Variants in PPFIA3 observed in about 807,000 individuals in gnomAD.
The protein encoded by PPFIA3 is PPFI scaffold protein A3.
In PPFIA3, 26 loss-of-function variants were observed where a neutral mutation model predicts 145.8. That is an observed-to-expected ratio of 0.18 (90% confidence interval 0.13 to 0.25). The LOEUF (loss-of-function observed/expected upper bound fraction) is 0.25, where lower values mean the gene tolerates loss of function less well. PPFIA3 is among the 10% of genes least tolerant of loss of function. The pLI, the probability that PPFIA3 is intolerant of heterozygous loss-of-function variation, is 1.00. For synonymous variants in PPFIA3, 645 were observed against 661.4 expected (o/e 0.98, Z 0.38); for missense variants, 1,008 against 1,587.8 (o/e 0.63, Z 6.21).
intron 7 of PPFIA3, among the ~76,000 whole-genome samples, chr19:49,131,926 C>T (rs2041077620): frequency 6.7e-6 from 1 of 149,190 alleles, no homozygotes; most frequent in Admixed American, 6.8e-5. Flanking sequence ...AGGAGAATGG[C>T]GTGAACCCGG....
rs1355276179 is a variant in PPFIA3, at chr19:49,148,889, TG to T, written c.3110-98del. 9 of 1,555,792 alleles carry T rather than the reference TG, an allele frequency of 5.8e-6. No individual in the cohort carries two copies. The African/African-American group carries it at 6.8e-5, about 12-fold the overall frequency. ...CATAACCGTGGGGGTGGAGCCAGCG[TG>T]GGGGGCGTGGCCCGAAGAGACCAAA... On this transcript the variant is annotated intron_variant, in intron 25 of 29. Coordinates refer to ENST00000334186, the MANE Select transcript of PPFIA3 (RefSeq NM_003660.4).
Position 49,150,534 on chromosome 19 carries a change from T to G in PPFIA3, c.*312T>G. ...TTTCTGTTGGGAGACGGGTGTCCTT[T>G]ACCCGCGGGAAGGGGGCGGGGCTTC... On this transcript the variant is annotated 3_prime_UTR_variant, in exon 30 of 30. Transcript: ENST00000334186. 6.2e-6 allele frequency: 1 copy of G among 160,232 alleles called. No individual in the cohort carries two copies. 9.9% of individuals were successfully genotyped at this position (160,232 alleles called of 1,614,324 possible). A position where few individuals can be genotyped will look rare whatever the true frequency, so the allele number is the denominator to read the frequency against.
rs1340428987 is a variant in PPFIA3, at chr19:49,119,544, A to C, written c.-194A>C. ...GAGCGTGAGGGGGAGGGGGGTCCCC[A>C]GCGCCCAAGCCGGAGCCAGAGACGC... On this transcript the variant is annotated 5_prime_UTR_variant, in exon 1 of 30. Coordinates refer to ENST00000334186, the MANE Select transcript of PPFIA3 (RefSeq NM_003660.4). 6.5e-6 allele frequency: 1 copy of C among 153,094 alleles called. No homozygotes were observed. Among genetic ancestry groups the C allele is most frequent in the Non-Finnish European group, 1.5e-5 (1 of 68,822 alleles). 9.5% of individuals were successfully genotyped at this position (153,094 alleles called of 1,614,324 possible).
At chr19:49,121,786 TTTTA>T (rs577943380) in intron 1 of PPFIA3, among the ~76,000 whole-genome samples, 4 of 151,694 alleles carry the variant, frequency 2.6e-5, no homozygotes, top group Admixed American at 6.6e-5. Flanking sequence ...CAAAAAAAAA[TTTTA>T]TTTATTTATT....
chr19:49,131,887 G>A (rs970914865), intron 7 of PPFIA3, among the ~76,000 whole-genome samples: 3 of 151,846 alleles, frequency 2.0e-5, no homozygotes, highest in Non-Finnish European at 2.9e-5. Flanking sequence ...TCGGGCGCCC[G>A]TAGTCCCAGC....
Position 49,136,601 on chromosome 19 carries a change from A to T in PPFIA3, c.1666-123A>T, listed in dbSNP as rs577863631. 1.1e-5 allele frequency: 7 copies of T among 614,438 alleles called. No individual in the cohort carries two copies. The East Asian group carries it at 1.3e-4, about 12-fold the overall frequency. The allele number at this position is 614,438 out of a possible 1,614,324, so 38.1% of individuals were successfully genotyped here. A position where few individuals can be genotyped will look rare whatever the true frequency, so the allele number is the denominator to read the frequency against. On this transcript the variant is annotated intron_variant, in intron 14 of 29. Transcript: ENST00000334186. ...CTCAAGAAAAAATAAATAAAATAAA[A>T]AAAATAAAGCTGGGCTGGGAAAAGC... is the stretch of plus-strand genomic sequence containing the variant.
intron 16 of PPFIA3, 81 bp from the exon 17 acceptor site, chr19:49,139,587 C>A: frequency 6.9e-7 from 1 of 1,456,342 alleles, no homozygotes; most frequent in South Asian, 1.4e-5. Flanking sequence ...CCACACACAC[C>A]TTAGTAGACA....
intron 18 of PPFIA3, 103 bp downstream of exon 18, chr19:49,140,191 A>G: frequency 7.4e-7 from 1 of 1,347,466 alleles, no homozygotes. Flanking sequence ...TCATGTCTTC[A>G]TTCATTTGGT....
chr19:49,127,460 A>ATGC (rs2041015570), intron 1 of PPFIA3, among the ~76,000 whole-genome samples: 1 of 149,712 alleles, frequency 6.7e-6, no homozygotes, highest in East Asian at 2.0e-4. Flanking sequence ...TTAGCCAGGT[A>ATGC]TGCTGGTGTG....
Position 49,150,999 on chromosome 19 carries a change from T to G in PPFIA3, c.*777T>G. On this transcript the variant is annotated 3_prime_UTR_variant, in exon 30 of 30. Transcript: ENST00000334186. Reference sequence around the variant, plus strand: ...CCCCGCCCCAGGCGTCACTCAGTGATCACGGGTAAAGAGAACTGTTTCAAA... The same window carrying G: ...CCCCGCCCCAGGCGTCACTCAGTGAGCACGGGTAAAGAGAACTGTTTCAAA... 3.5e-6 allele frequency: 1 copy of G among 285,332 alleles called. No homozygotes were observed. Among genetic ancestry groups the G allele is most frequent in the Non-Finnish European group, 6.3e-6 (1 of 158,590 alleles). The allele number at this position is 285,332 out of a possible 1,614,324, so 17.7% of individuals were successfully genotyped here.
At chr19:49,131,299 G>C (rs1335667296) in intron 7 of PPFIA3, among the ~76,000 whole-genome samples, 4 of 147,910 alleles carry the variant, frequency 2.7e-5, no homozygotes, top group African/African-American at 1.0e-4. Flanking sequence ...CTCCCTAGTA[G>C]CTGGGACTAC....
In PPFIA3 at chr19:49,129,980, T is replaced by A; in HGVS notation, c.583-13T>A. On this transcript the variant is annotated splice_polypyrimidine_tract_variant and intron_variant, in intron 5 of 29. Transcript: ENST00000334186. ...GGAGCCCCTGTGCTCTGATTCCCCTTTCACACTTCCAGACTCTGAACCTTC... is the reference window on the plus strand; with the variant it reads ...GGAGCCCCTGTGCTCTGATTCCCCTATCACACTTCCAGACTCTGAACCTTC... The A allele has an allele frequency of 6.2e-7, 1 of 1,613,306 alleles. No homozygotes were observed.
At chr19:49,145,819 C>T in intron 21 of PPFIA3, 124 bp from the exon 22 acceptor site, 1 of 817,834 alleles carries the variant, frequency 1.2e-6, no homozygotes, top group East Asian at 2.5e-5. Context: ...TTCTCTGTTA[C>T]TGCTTGCCCC....
At chr19:49,129,820 G>C (rs2041047374) in intron 5 of PPFIA3, among the ~76,000 whole-genome samples, 173 bp from the exon 6 acceptor site, 1 of 152,176 alleles carries the variant, frequency 6.6e-6, no homozygotes, top group Non-Finnish European at 1.5e-5. Flanking sequence ...AGCTAAGGAG[G>C]GATATAAGGA....
At chr19:49,144,766 T>C (rs2041261544) in intron 21 of PPFIA3, among the ~76,000 whole-genome samples, 1 of 152,010 alleles carries the variant, frequency 6.6e-6, no homozygotes, top group Non-Finnish European at 1.5e-5. Context: ...ATTTTCAGGT[T>C]GGGGATGCTC....
intron 21 of PPFIA3, among the ~76,000 whole-genome samples, chr19:49,144,332 G>A (rs2041257210): frequency 6.6e-6 from 1 of 152,174 alleles, no homozygotes; most frequent in South Asian, 2.1e-4. Context: ...ATAGCTTTGT[G>A]CATGAAACAA....
At chr19:49,147,686 A>AAGAGAGAG (rs143496485) in intron 23 of PPFIA3, among the ~76,000 whole-genome samples, 4,240 of 145,752 alleles carry the variant, frequency 0.029, 76 homozygotes, top group Non-Finnish European at 0.04. Flanking sequence ...CTCTTTCAGA[A>AAGAGAGAG]AGAGAGAGAG....
At chr19:49,145,474 C>G (rs907610253) in intron 21 of PPFIA3, among the ~76,000 whole-genome samples, 4 of 152,170 alleles carry the variant, frequency 2.6e-5, no homozygotes, top group African/African-American at 9.7e-5. Context: ...ATCCCACACC[C>G]TATGACGGTG....
Position 49,130,641 on chromosome 19 carries a change from T to C in PPFIA3, c.879+42T>C. On this transcript the variant is annotated intron_variant, in intron 7 of 29. Coordinates refer to ENST00000334186, the MANE Select transcript of PPFIA3 (RefSeq NM_003660.4). The surrounding 1 kb of genome is among the most constrained non-coding windows in gnomAD (Gnocchi z 4.5). ...GGCGGGCTGCCCTGGGTCCCTCGCC[T>C]TTCCGTAGAGCTCTCCCTCGCGCAT... The C allele has an allele frequency of 6.6e-7, 1 of 1,510,214 alleles. No individual in the cohort carries two copies. The allele number at this position is 1,510,214 out of a possible 1,614,324, so 93.6% of individuals were successfully genotyped here.
Sources: allele counts gnomAD v4.1 joint callset (sites outside exome capture counted in the v4.1 genomes callset), GRCh38; gene constraint gnomAD v4.1.1; non-coding constraint Gnocchi (gnomAD v3.1); transcripts MANE v1.5; gene names NCBI Gene and HGNC (gene_info 2026-07-23, HGNC 2026-07-21).